Variants in NOL4 observed in about 807,000 individuals in gnomAD.
NOL4 encodes the protein cancer/testis antigen 125.
NOL4 carries 17 observed loss-of-function variants against 75.9 expected under a neutral mutation model. The observed-to-expected ratio is 0.22, with a 90% CI of 0.15 to 0.34. The LOEUF is 0.34. NOL4 is among the 10% of genes least tolerant of loss of function. The probability of loss-of-function intolerance (pLI) is 1.00; values close to 1 mark genes in which losing one functional copy is unlikely to be tolerated. For synonymous variants in NOL4, 292 were observed against 289.9 expected, an observed-to-expected ratio of 1.01 and a Z score of -0.07; for missense variants, 614 against 793.5, an observed-to-expected ratio of 0.77 and a Z score of 2.72.
chr18:34,003,190 TTATTGA>T (rs1335467130), intron 6 of NOL4, among the ~76,000 whole-genome samples: 1 of 152,122 alleles, frequency 6.6e-6, no homozygotes, highest in African/African-American at 2.4e-5. Flanking sequence ...CTTCTGGATT[TTATTGA>T]TATTTCCCAG....
Position 33,883,438 on chromosome 18 carries a change from C to T in NOL4, c.1543-14G>A, listed in dbSNP as rs775973010. ...AGCAGACTCATCCTGCAAGGACAGA[C>T]AGCATTCCATTATTTATCACCTCAC... On this transcript the variant is annotated splice_polypyrimidine_tract_variant and intron_variant, in intron 9 of 10. Coordinates refer to ENST00000261592, the MANE Select transcript of NOL4 (RefSeq NM_003787.5). 3.8e-6 allele frequency: 6 copies of T among 1,591,268 alleles called. No individual in the cohort carries two copies. In the African/African-American group the frequency reaches 5.4e-5, roughly 14 times the overall value.
chr18:34,188,449 T>C (rs905886640), intron 1 of NOL4, among the ~76,000 whole-genome samples: 1 of 152,212 alleles, frequency 6.6e-6, no homozygotes, highest in Admixed American at 6.5e-5. Flanking sequence ...GTTGAAAATA[T>C]TATAGCAGAC....
At chr18:34,059,844 C>T (rs1346104646) in intron 5 of NOL4, among the ~76,000 whole-genome samples, 3 of 152,072 alleles carry the variant, frequency 2.0e-5, no homozygotes, top group Non-Finnish European at 4.4e-5. Flanking sequence ...GGAGAGGTCG[C>T]ATGAAGAGGA....
At chr18:34,056,588 C>T (rs1477122500) in intron 5 of NOL4, among the ~76,000 whole-genome samples, 1 of 152,084 alleles carries the variant, frequency 6.6e-6, no homozygotes, top group Admixed American at 6.6e-5. Flanking sequence ...TTCAGGAAGC[C>T]CCTAGACAAA....
At chr18:33,856,634 A>C (rs1567962004) in intron 10 of NOL4, among the ~76,000 whole-genome samples, 1 of 152,084 alleles carries the variant, frequency 6.6e-6, no homozygotes, top group Non-Finnish European at 1.5e-5. Context: ...TTAATTCAAC[A>C]ATTTAAATAA....
intron 5 of NOL4, among the ~76,000 whole-genome samples, chr18:34,036,380 T>C (rs1020487860): frequency 2.0e-5 from 3 of 151,870 alleles, no homozygotes; most frequent in Non-Finnish European, 2.9e-5. Context: ...AAACAACAGA[T>C]GCCGAAAAAG....
At chr18:34,023,606 G>A (rs1467976478) in intron 5 of NOL4, 4 of 351,990 alleles carry the variant, frequency 1.1e-5, no homozygotes, top group Non-Finnish European at 1.8e-5. Context: ...TGAGTCCCAA[G>A]GAAAACAGCA....
At chr18:34,134,866 T>C (rs1185713792) in intron 1 of NOL4, among the ~76,000 whole-genome samples, 1 of 152,108 alleles carries the variant, frequency 6.6e-6, no homozygotes, top group Non-Finnish European at 1.5e-5. Flanking sequence ...AACTAATTGG[T>C]CAGACGAATC....
intron 9 of NOL4, among the ~76,000 whole-genome samples, chr18:33,915,649 A>T (rs2145197338): frequency 6.6e-6 from 1 of 152,246 alleles, no homozygotes; most frequent in South Asian, 2.1e-4. Flanking sequence ...CTAATAATTT[A>T]TTTAAATATA....
At chr18:33,989,599 G>T (rs1015188397) in intron 6 of NOL4, among the ~76,000 whole-genome samples, 3 of 152,000 alleles carry the variant, frequency 2.0e-5, no homozygotes, top group Admixed American at 6.6e-5. Flanking sequence ...ACATTCTCAT[G>T]CTCAGCATAT....
chr18:34,116,416 C>T (rs9963120), intron 2 of NOL4, among the ~76,000 whole-genome samples: 28 of 152,344 alleles, frequency 1.8e-4, no homozygotes, highest in African/African-American at 6.7e-4. Context: ...AGCCCTACAA[C>T]TATAAAGCCA....
intron 1 of NOL4, among the ~76,000 whole-genome samples, chr18:34,148,016 G>T (rs116727842): frequency 1.3e-5 from 2 of 152,084 alleles, no homozygotes; most frequent in Non-Finnish European, 2.9e-5. Flanking sequence ...GGTGTTTATA[G>T]TATTCTCCAA....
intron 6 of NOL4, among the ~76,000 whole-genome samples, chr18:34,011,043 TTAATAA>T (rs909077325): frequency 1.4e-4 from 21 of 151,676 alleles, no homozygotes; most frequent in Admixed American, 7.2e-4. Flanking sequence ...GTGGCTACAG[TTAATAA>T]TAATTTATTA....
At chr18:33,979,234 C>A (rs2071747622) in intron 6 of NOL4, among the ~76,000 whole-genome samples, 1 of 151,918 alleles carries the variant, frequency 6.6e-6, no homozygotes, top group South Asian at 2.1e-4. Context: ...AAAACATAAA[C>A]AAAGTCACCC....
At chr18:34,086,206 T>C (rs975644182) in intron 5 of NOL4, among the ~76,000 whole-genome samples, 2 of 152,090 alleles carry the variant, frequency 1.3e-5, no homozygotes, top group African/African-American at 4.8e-5. Context: ...AGTCCAGAAG[T>C]GTATGCAAAT....
At chr18:34,119,822 C>T (rs1209643291) in intron 2 of NOL4, among the ~76,000 whole-genome samples, 1 of 152,024 alleles carries the variant, frequency 6.6e-6, no homozygotes, top group African/African-American at 2.4e-5. Context: ...CGGGGTTTCA[C>T]AGTGTTAGCC....
chr18:34,217,473 G>C (rs1485563128), intron 1 of NOL4, among the ~76,000 whole-genome samples: 2 of 151,902 alleles, frequency 1.3e-5, no homozygotes, highest in Non-Finnish European at 2.9e-5. Context: ...TTTTAGTAGA[G>C]ATGGGGTTTC....
chr18:34,066,181 T>C (rs140432487), intron 5 of NOL4, among the ~76,000 whole-genome samples: 2 of 152,090 alleles, frequency 1.3e-5, no homozygotes, highest in East Asian at 1.9e-4. Context: ...ATAATAGGTA[T>C]AAATAATTTA....
intron 1 of NOL4, among the ~76,000 whole-genome samples, chr18:34,170,731 T>C (rs1169819237): frequency 6.6e-6 from 1 of 152,174 alleles, no homozygotes; most frequent in Non-Finnish European, 1.5e-5. Context: ...CTGAAAATTC[T>C]CATTAGGAAA....
Sources: allele counts gnomAD v4.1 joint callset (sites outside exome capture counted in the v4.1 genomes callset), GRCh38; gene constraint gnomAD v4.1.1; transcripts MANE v1.5; gene names NCBI Gene and HGNC (gene_info 2026-07-23, HGNC 2026-07-21).